CCSER1: variants seen among roughly 807,000 people sequenced by gnomAD.
CCSER1 encodes the protein coiled-coil serine rich protein 1, also known as serine-rich coiled-coil domain-containing protein 1.
In CCSER1, 41 loss-of-function variants were observed where a neutral mutation model predicts 82.0. The observed-to-expected ratio is 0.50, with a 90% confidence interval of 0.39 to 0.65. CCSER1 has a LOEUF of 0.65. Among genes scored for constraint, CCSER1 ranks in the 30% least tolerant of loss-of-function variants. The pLI is 0.00. For synonymous variants in CCSER1, 414 were observed against 383.9 expected (o/e 1.08, Z -0.92); for missense variants, 1,119 against 1,064.2 (o/e 1.05, Z -0.72).
intron 1 of CCSER1, among the ~76,000 whole-genome samples, chr4:90,170,007 T>C (rs1008263647): frequency 6.6e-6 from 1 of 152,080 alleles, no homozygotes. Context: ...CCTAGATAGA[T>C]AATTCCTCTA....
Position 90,308,471 on chromosome 4 carries a change from T to C in CCSER1, c.187T>C (p.Phe63Leu). 1 of 1,613,794 alleles carries C rather than the reference T, an allele frequency of 6.2e-7. No homozygotes were observed. The highest frequency in any genetic ancestry group is 8.5e-7 in the Non-Finnish European group (1 of 1,179,770). ...TAGCACAGGTAAACGGAGGAGCATA[T>C]TCCGTACTCCTTCCATTAGCTTCCA... ...SGSTGKRRSI[F>L]RTPSISFHHK... Residue 63 changes from phenylalanine to leucine, a missense_variant, in exon 2 of 11, where the codon TTC (phenylalanine) becomes CTC (leucine). Transcript: ENST00000509176.
chr4:90,255,907 G>A (rs1181209290), intron 1 of CCSER1, among the ~76,000 whole-genome samples: 2 of 152,092 alleles, frequency 1.3e-5, no homozygotes, highest in East Asian at 3.9e-4. Flanking sequence ...CTTTATAGAT[G>A]AGGATACTGA....
intron 3 of CCSER1, among the ~76,000 whole-genome samples, chr4:90,324,034 G>A (rs1737667384): frequency 6.6e-6 from 1 of 152,180 alleles, no homozygotes; most frequent in Non-Finnish European, 1.5e-5. Context: ...ATTCCATGGT[G>A]TATAGGTGCC....
At chr4:90,195,567 G>T (rs572038721) in intron 1 of CCSER1, among the ~76,000 whole-genome samples, 3 of 152,122 alleles carry the variant, frequency 2.0e-5, no homozygotes, top group East Asian at 3.9e-4. Flanking sequence ...CATAGGATAC[G>T]CAAGACCAAG....
In CCSER1 at chr4:90,585,969, T is replaced by C. The variant is rs79348310; in HGVS notation, c.1725-42056T>C. Among the ~76,000 whole-genome samples, 980 of 152,202 alleles carry C rather than the reference T, an allele frequency of 6.4e-3. 17 individuals carry two copies. The highest frequency in any genetic ancestry group is 0.022 in the African/African-American group (934 of 41,514). Reference sequence around the variant, plus strand: ...ATTATCCTAACTTACAACTGAAAAATAGGTGAAATTCATTAATAATGATGT... The same window carrying C: ...ATTATCCTAACTTACAACTGAAAAACAGGTGAAATTCATTAATAATGATGT... On this transcript the variant is annotated intron_variant, in intron 5 of 10. Coordinates refer to ENST00000509176, the MANE Select transcript of CCSER1 (RefSeq NM_001145065.2).
At chr4:91,379,920 G>A (rs558433259) in intron 10 of CCSER1, among the ~76,000 whole-genome samples, 1 of 152,180 alleles carries the variant, frequency 6.6e-6, no homozygotes, top group Non-Finnish European at 1.5e-5. Context: ...TGCTTTAAAT[G>A]TGTCCCAGAG....
At chr4:91,538,140 T>C (rs1461321394) in intron 10 of CCSER1, among the ~76,000 whole-genome samples, 2 of 152,058 alleles carry the variant, frequency 1.3e-5, no homozygotes, top group Non-Finnish European at 2.9e-5. Context: ...TAAATTTTCT[T>C]GTTTACTCTA....
chr4:91,077,873 G>T (rs1722179097), intron 9 of CCSER1, among the ~76,000 whole-genome samples: 2 of 152,192 alleles, frequency 1.3e-5, no homozygotes, highest in East Asian at 3.9e-4. Context: ...ACATAGAACT[G>T]CAAGGTGGCA....
chr4:91,322,943 A>G (rs1254776087), intron 10 of CCSER1, among the ~76,000 whole-genome samples: 1 of 152,176 alleles, frequency 6.6e-6, no homozygotes, highest in East Asian at 1.9e-4. Flanking sequence ...TTTCAGTCTG[A>G]TATCAGAAAA....
At chr4:90,171,993 A>G (rs1312259102) in intron 1 of CCSER1, among the ~76,000 whole-genome samples, 1 of 151,916 alleles carries the variant, frequency 6.6e-6, no homozygotes, top group Non-Finnish European at 1.5e-5. Flanking sequence ...TTTATAACAC[A>G]GGGAAAGAAA....
At chr4:91,404,084 G>T (rs1752523018) in intron 10 of CCSER1, among the ~76,000 whole-genome samples, 1 of 152,072 alleles carries the variant, frequency 6.6e-6, no homozygotes, top group Admixed American at 6.6e-5. Flanking sequence ...GCCTGTTATT[G>T]CTCTACTCAG....
intron 10 of CCSER1, among the ~76,000 whole-genome samples, chr4:91,243,913 C>T (rs905577688): frequency 2.2e-4 from 34 of 152,154 alleles, no homozygotes; most frequent in Admixed American, 2.1e-3. Flanking sequence ...TGTCTTGAAC[C>T]TTATGTACCA....
At chr4:91,162,426 A>G (rs916020234) in intron 10 of CCSER1, among the ~76,000 whole-genome samples, 5 of 152,224 alleles carry the variant, frequency 3.3e-5, no homozygotes, top group Non-Finnish European at 5.9e-5. Flanking sequence ...CTTTGGTATC[A>G]GGATGATGCT....
chr4:90,778,120 A>G (rs932371154), intron 7 of CCSER1, among the ~76,000 whole-genome samples: 2 of 152,206 alleles, frequency 1.3e-5, no homozygotes, highest in African/African-American at 2.4e-5. Context: ...TCTCAAAAAC[A>G]TAACCACTAT....
chr4:91,315,417 C>T (rs1239223413), intron 10 of CCSER1, among the ~76,000 whole-genome samples: 2 of 151,868 alleles, frequency 1.3e-5, no homozygotes, highest in African/African-American at 4.8e-5. Context: ...TTTCCACTGC[C>T]AAACCCAGCG....
At position 91,599,513 on chromosome 4, in the gene CCSER1, A is replaced by C. The variant is rs1452406908; in HGVS notation, c.*456A>C. On this transcript the variant is annotated 3_prime_UTR_variant, in exon 11 of 11. Transcript: ENST00000509176. ...TATATAATTAATAGAAGGAGGAAAA[A>C]AGAGAAATGTTAACGTCTTATATTT... The C allele has an allele frequency of 6.6e-6, 1 of 152,242 alleles. No homozygotes were observed. Among genetic ancestry groups the C allele is most frequent in the African/African-American group, 2.4e-5 (1 of 41,446 alleles). 9.4% of individuals were successfully genotyped at this position (152,242 alleles called of 1,614,324 possible). A position where few individuals can be genotyped will look rare whatever the true frequency, so the allele number is the denominator to read the frequency against.
At chr4:91,204,228 T>C (rs1021937739) in intron 10 of CCSER1, among the ~76,000 whole-genome samples, 19 of 151,938 alleles carry the variant, frequency 1.3e-4, no homozygotes, top group African/African-American at 4.3e-4. Context: ...ATTGCTACAA[T>C]AACAATAGAA....
At chr4:91,474,802 T>TAC (rs1483861334) in intron 10 of CCSER1, among the ~76,000 whole-genome samples, 1 of 94,276 alleles carries the variant, frequency 1.1e-5, no homozygotes, top group African/African-American at 4.5e-5. Context: ...TATATATATA[T>TAC]ATATATATAT....
intron 10 of CCSER1, among the ~76,000 whole-genome samples, chr4:91,496,177 A>G (rs1380864677): frequency 6.6e-6 from 1 of 151,444 alleles, no homozygotes; most frequent in South Asian, 2.1e-4. Context: ...AGACATTTTT[A>G]TTCATGGGCA....
Sources: gnomAD v4.1 joint callset for allele counts (sites outside exome capture counted in the v4.1 genomes callset) on GRCh38, gnomAD v4.1.1 for gene constraint, MANE v1.5 for transcripts, NCBI Gene and HGNC (gene_info 2026-07-23, HGNC 2026-07-21) for gene names.